The following STAT5B variants were observed in gnomAD, a reference collection of about 807,000 sequenced individuals.
The protein encoded by STAT5B is signal transducer and activator of transcription 5B, also known as transcription factor STAT5B.
In STAT5B, 21 loss-of-function variants were observed where a neutral mutation model predicts 107.8. The ratio of observed to expected loss-of-function variants is 0.19; its 90% CI spans 0.14 to 0.28. The LOEUF (loss-of-function observed/expected upper bound fraction) is 0.28. STAT5B is among the 10% of genes least tolerant of loss of function. The pLI is 1.00. For missense variants in STAT5B, 565 were observed against 1,008.2 expected (o/e 0.56, Z 5.95); for synonymous variants, 325 against 401.7 (o/e 0.81, Z 2.28).
intron 1 of STAT5B, among the ~76,000 whole-genome samples, chr17:42,255,084 C>T (rs550484820): frequency 1.1e-4 from 17 of 151,718 alleles, no homozygotes; most frequent in Non-Finnish European, 1.6e-4. Context: ...AGCGAGACTC[C>T]GTCTAAAAAA....
rs1598330039 is a variant in STAT5B, at chr17:42,252,194, G to A, written c.-10-20057C>T. On this transcript the variant is annotated intron_variant, in intron 1 of 18. Coordinates refer to ENST00000293328, the MANE Select transcript of STAT5B (RefSeq NM_012448.4). Reference sequence around the variant, plus strand: ...TGCGATATATCAAGGGGAAATTTGGGACAAGGATGCCTGGCAGTTCCACAA... The same window carrying A: ...TGCGATATATCAAGGGGAAATTTGGAACAAGGATGCCTGGCAGTTCCACAA... 2.0e-5 allele frequency among the ~76,000 whole-genome samples: 3 copies of A among 152,212 alleles called. No individual in the cohort carries two copies. The South Asian group carries it at 6.2e-4, about 32-fold the overall frequency.
chr17:42,217,011 C>A (rs1027021520), intron 11 of STAT5B, 149 bp downstream of exon 11: 2 of 1,369,532 alleles, frequency 1.5e-6, no homozygotes, highest in South Asian at 1.3e-5. Context: ...CTAAGTGAAA[C>A]AGTTCTCAGG....
intron 1 of STAT5B, among the ~76,000 whole-genome samples, chr17:42,262,271 C>T (rs571330455): frequency 2.0e-5 from 3 of 152,274 alleles, no homozygotes; most frequent in Non-Finnish European, 4.4e-5. Flanking sequence ...AGCAATCCTC[C>T]GACCTCAGCC....
the STAT5B span, among the ~76,000 whole-genome samples, chr17:42,281,968 T>G: frequency 6.6e-6 from 1 of 152,024 alleles, no homozygotes; most frequent in East Asian, 1.9e-4. Flanking sequence ...CAGGCAAAGA[T>G]GAGGCTGCTG....
intron 5 of STAT5B, among the ~76,000 whole-genome samples, chr17:42,221,192 G>A (rs369381787): frequency 3.3e-5 from 5 of 152,276 alleles, no homozygotes; most frequent in African/African-American, 9.6e-5. Flanking sequence ...TGCAGGTATC[G>A]AGCAGGAAGA....
At chr17:42,232,262 T>C in intron 1 of STAT5B, 125 bp from the exon 2 acceptor site, 1 of 1,045,612 alleles carries the variant, frequency 9.6e-7, no homozygotes, top group Non-Finnish European at 1.2e-6. Context: ...TTTATTTTTA[T>C]TTTTTTGAGA....
At chr17:42,281,061 G>A (rs138262059), upstream of STAT5B, among the ~76,000 whole-genome samples, 6,872 of 151,910 alleles carry the variant, frequency 0.045, 473 homozygotes, top group African/African-American at 0.16. Context: ...GTGAACCCGG[G>A]AGGCTGAGGT....
intron 1 of STAT5B, among the ~76,000 whole-genome samples, chr17:42,273,905 G>A (rs2080741700): frequency 6.6e-6 from 1 of 152,158 alleles, no homozygotes; most frequent in Non-Finnish European, 1.5e-5. Flanking sequence ...TCTTGATGTG[G>A]CTTTTACATA....
intron 15 of STAT5B, 25 bp from the exon 16 acceptor site, chr17:42,207,753 C>T (rs1488208943): frequency 1.9e-6 from 3 of 1,612,984 alleles, no homozygotes; most frequent in East Asian, 4.5e-5. Context: ...AGAACAATCA[C>T]ATTCTAAACA....
intron 1 of STAT5B, chr17:42,233,902 C>CT (rs944991961): frequency 3.9e-5 from 6 of 152,148 alleles, no homozygotes. Flanking sequence ...GGCAGATGCT[C>CT]TTTGAGTTTA....
intron 7 of STAT5B, among the ~76,000 whole-genome samples, chr17:42,219,100 A>G (rs3950626): frequency 1.3e-5 from 2 of 152,038 alleles, no homozygotes; most frequent in Admixed American, 6.5e-5. Context: ...ACACACCCGA[A>G]CCCTGTCCCA....
chr17:42,287,852 G>C, the STAT5B span: 1 of 152,222 alleles, frequency 6.6e-6, no homozygotes, highest in Non-Finnish European at 1.5e-5. Context: ...CAGTTCCTCC[G>C]TCAGGGTTGA....
Position 42,218,156 on chromosome 17 carries a change from G to A in STAT5B, c.1164C>T (p.Thr388=), listed in dbSNP as rs144060305. The change falls in exon 9 of 19, where the codon ACC becomes ACT. Residue 388 remains threonine (T), a synonymous_variant. Coordinates refer to ENST00000293328, the MANE Select transcript of STAT5B (RefSeq NM_012448.4). The part of the protein sequence containing the change: ...QAKSLLKNEN[T]RNDYSGEILN... ...AGAGGAAGCTGCACAATTACTTGCG[G>A]GTGTTCTCGTTCTTGAGCAGAGACT... The A allele has an allele frequency of 5.3e-5, 86 of 1,613,910 alleles. 2 individuals are homozygous for A. Among genetic ancestry groups the A allele is most frequent in the East Asian group, 2.2e-4 (10 of 44,888 alleles).
chr17:42,211,399 G>C (rs1481485188), intron 13 of STAT5B, among the ~76,000 whole-genome samples: 1 of 151,958 alleles, frequency 6.6e-6, no homozygotes, highest in Non-Finnish European at 1.5e-5. Context: ...CCAGCTACTC[G>C]GGAGGCTGAG....
At chr17:42,263,413 A>G (rs942406518) in intron 1 of STAT5B, among the ~76,000 whole-genome samples, 1 of 152,170 alleles carries the variant, frequency 6.6e-6, no homozygotes, top group Non-Finnish European at 1.5e-5. Context: ...AACACTGATA[A>G]CAAAAAACAA....
intron 13 of STAT5B, 113 bp from the exon 14 acceptor site, chr17:42,210,610 G>T (rs2080120399): frequency 1.0e-6 from 1 of 1,001,072 alleles, no homozygotes; most frequent in Non-Finnish European, 1.6e-6. Context: ...CTTGTCAGAG[G>T]CATACAAATA....
chr17:42,215,757 T>G (rs2080165715), intron 12 of STAT5B, among the ~76,000 whole-genome samples: 1 of 152,148 alleles, frequency 6.6e-6, no homozygotes, highest in South Asian at 2.1e-4. Context: ...TAGCTGGGAC[T>G]ACAGGCATGT....
At chr17:42,246,551 G>A (rs2080453267) in intron 1 of STAT5B, among the ~76,000 whole-genome samples, 1 of 152,072 alleles carries the variant, frequency 6.6e-6, no homozygotes, top group Non-Finnish European at 1.5e-5. Context: ...CATCTTTGAT[G>A]TGACTAAGCA....
intron 1 of STAT5B, among the ~76,000 whole-genome samples, chr17:42,261,830 G>A (rs2080599230): frequency 6.6e-6 from 1 of 152,152 alleles, no homozygotes; most frequent in Admixed American, 6.5e-5. Context: ...AAAGTGCTGG[G>A]ATTAAAGGCA....
Sources: allele counts gnomAD v4.1 joint callset (sites outside exome capture counted in the v4.1 genomes callset), GRCh38; gene constraint gnomAD v4.1.1; transcripts MANE v1.5; gene names NCBI Gene and HGNC (gene_info 2026-07-23, HGNC 2026-07-21).